The following FBXO5 variants were observed in gnomAD, a reference collection of about 807,000 sequenced individuals.
The protein encoded by FBXO5 is F-box protein 5.
A neutral mutation model predicts 43.3 loss-of-function variants in FBXO5; 8 were observed. The ratio of observed to expected loss-of-function variants is 0.18; its 90% CI spans 0.11 to 0.33. The LOEUF is 0.33. Ranked by LOEUF, FBXO5 falls within the 10% of genes least tolerant of loss-of-function variation. The pLI is 1.00. For synonymous variants in FBXO5, 204 were observed against 193.7 expected (o/e 1.05, Z -0.44); for missense variants, 491 against 535.7 (o/e 0.92, Z 0.82).
At position 152,971,322 on chromosome 6, in the gene FBXO5, G is replaced by C; in HGVS notation, c.1185C>G (p.Thr395=). 6.2e-7 allele frequency: 1 copy of C among 1,613,960 alleles called. No individual in the cohort carries two copies. Residue 395 remains threonine, a synonymous_variant, in exon 5 of 5, where the codon ACC becomes ACG. Transcript: ENST00000229758. The stretch of plus-strand genomic sequence containing the variant: ...CAAATCCACAGCCTTCTCGTTTGCA[G>C]GTTGCCCGTTGTAAATAGCAATCAT... The part of the protein sequence containing the change: ...AKYDCYLQRA[T]CKREGCGFDY...
In FBXO5 at chr6:152,983,007, C is replaced by T. The variant is rs529505012; in HGVS notation, c.-48G>A. ...TCAGGTGGAGGAACCGCTCCGGGGGCAGCTGAGCAACCTGCCTGCTTCACA... is the reference window on the plus strand; with the variant it reads ...TCAGGTGGAGGAACCGCTCCGGGGGTAGCTGAGCAACCTGCCTGCTTCACA... On this transcript the variant is annotated 5_prime_UTR_variant, in exon 1 of 5. Transcript: ENST00000229758. 76 of 1,203,616 alleles carry T rather than the reference C, an allele frequency of 6.3e-5. 1 individual carries two copies. The Admixed American group carries it at 1.0e-3, about 17-fold the overall frequency. The allele number at this position is 1,203,616 out of a possible 1,614,324, so 74.6% of individuals were successfully genotyped here. A position where few individuals can be genotyped will look rare whatever the true frequency, so the allele number is the denominator to read the frequency against.
Position 152,975,528 on chromosome 6 carries a change from T to A in FBXO5, c.197A>T (p.Asp66Val). The A allele has an allele frequency of 6.2e-7, 1 of 1,613,882 alleles. No individual in the cohort carries two copies. The highest frequency in any genetic ancestry group is 2.2e-5 in the East Asian group (1 of 44,880). ...GTAGGAAACTAGTCTTCCAATGTCA[T>A]CAGGTTTTACCAGTTTAAGTCCGGA... ...VHSGLKLVKP[D>V]DIGRLVSYTP... Residue 66 changes from aspartate (D) to valine (V), a missense_variant, in exon 2 of 5, where the codon GAT becomes GTT. Coordinates refer to ENST00000229758, the MANE Select transcript of FBXO5 (RefSeq NM_012177.5).
Position 152,975,603 on chromosome 6 carries a change from G to C in FBXO5, c.122C>G (p.Ser41Cys), listed in dbSNP as rs1217375589. 1 of 1,599,398 alleles carries C rather than the reference G, an allele frequency of 6.3e-7. No homozygotes were observed. Among genetic ancestry groups the C allele is most frequent in the Non-Finnish European group, 8.5e-7 (1 of 1,175,860 alleles). Residue 41 changes from serine to cysteine, a missense_variant, in exon 2 of 5, where the codon TCT becomes TGT. Ser to Cys is a moderately radical substitution (Grantham distance 112). Transcript: ENST00000229758. The stretch of plus-strand genomic sequence containing the variant: ...ACACTTCATTTTGACAGAAAGGGTA[G>C]AACTTTCTTCTTTACAACCTATAAA... ...RPSDSCKEES[S>C]TLSVKMKCDF...
At chr6:152,981,833 A>T (rs764213169) in intron 1 of FBXO5, among the ~76,000 whole-genome samples, 1 of 152,150 alleles carries the variant, frequency 6.6e-6, no homozygotes, top group Non-Finnish European at 1.5e-5. Context: ...CCGAATTGCT[A>T]AATTTTTTCA....
In FBXO5 at chr6:152,971,059, G is replaced by A. The variant is rs769154522; in HGVS notation, c.*104C>T. 3.4e-5 allele frequency: 41 copies of A among 1,200,508 alleles called. No individual in the cohort carries two copies. In the East Asian group the frequency reaches 5.8e-4, roughly 17 times the overall value. 74.4% of individuals were successfully genotyped at this position (1,200,508 alleles called of 1,614,324 possible). A position where few individuals can be genotyped will look rare whatever the true frequency, so the allele number is the denominator to read the frequency against. On this transcript the variant is annotated 3_prime_UTR_variant, in exon 5 of 5. Coordinates refer to ENST00000229758, the MANE Select transcript of FBXO5 (RefSeq NM_012177.5). ...GAAAAAAACCTCAGGATACTACACC[G>A]ATTTCAACATAAAATTGAAAATCAC...
At chr6:152,979,961 A>G (rs1778236157) in intron 1 of FBXO5, among the ~76,000 whole-genome samples, 1 of 152,238 alleles carries the variant, frequency 6.6e-6, no homozygotes, top group African/African-American at 2.4e-5. Flanking sequence ...TTGGTTGTAG[A>G]TTTAATTTTA....
intron 4 of FBXO5, among the ~76,000 whole-genome samples, chr6:152,972,038 G>A (rs1248515406): frequency 6.6e-6 from 1 of 152,012 alleles, no homozygotes; most frequent in Admixed American, 6.6e-5. Flanking sequence ...CTAATTTCAT[G>A]TTTCTTTTGT....
At position 152,980,191 on chromosome 6, in the gene FBXO5, C is replaced by T. The variant is rs115552617; in HGVS notation, c.103+2666G>A. Among the ~76,000 whole-genome samples, 946 of 152,294 alleles carry T rather than the reference C, an allele frequency of 6.2e-3. 8 individuals are homozygous for T. The highest frequency in any genetic ancestry group is 0.021 in the African/African-American group (891 of 41,552). ...CAGAAAGACAGAAAACATTATATGG[C>T]TTCATAACCTCTTGAATGAAACAGA... On this transcript the variant is annotated intron_variant, in intron 1 of 4. Coordinates refer to ENST00000229758, the MANE Select transcript of FBXO5 (RefSeq NM_012177.5).
chr6:152,983,422 C>G (rs988703073), upstream of FBXO5: 1 of 156,302 alleles, frequency 6.4e-6, no homozygotes, highest in African/African-American at 2.4e-5. Context: ...TGGCTTCCAT[C>G]TGGAGATCTT....
chr6:152,972,931 C>T, intron 3 of FBXO5, 115 bp downstream of exon 3: 1 of 670,998 alleles, frequency 1.5e-6, no homozygotes, highest in Non-Finnish European at 2.5e-6. Context: ...CAGTATAAGG[C>T]TGAAATACTT....
At chr6:152,979,784 A>G (rs1013169684) in intron 1 of FBXO5, among the ~76,000 whole-genome samples, 1 of 152,224 alleles carries the variant, frequency 6.6e-6, no homozygotes, top group South Asian at 2.1e-4. Context: ...TCCATTTCAC[A>G]TACTTAAATC....
chr6:152,978,264 T>C (rs1001115077), intron 1 of FBXO5, among the ~76,000 whole-genome samples: 1 of 151,660 alleles, frequency 6.6e-6, no homozygotes, highest in Non-Finnish European at 1.5e-5. Flanking sequence ...TTAGTAACAA[T>C]GACCTTTCCA....
At position 152,973,100 on chromosome 6, in the gene FBXO5, T is replaced by C. The variant is rs764281337; in HGVS notation, c.855A>G (p.Leu285=). 1 of 1,613,968 alleles carries C rather than the reference T, an allele frequency of 6.2e-7. No individual in the cohort carries two copies. Among genetic ancestry groups the C allele is most frequent in the Non-Finnish European group, 8.5e-7 (1 of 1,179,906 alleles). Residue 285 remains leucine, a synonymous_variant, in exon 3 of 5, where the codon CTA becomes CTG. Transcript: ENST00000229758. ...ACTGGAATGCCCCCTTATCATCTTC[T>C]AGGATCTTCTTCCAAGTTGTGCTCA... ...SKVSTTWKKI[L]EDDKGAFQLY...
At chr6:152,974,426 A>G (rs1778132975) in intron 2 of FBXO5, among the ~76,000 whole-genome samples, 1 of 152,200 alleles carries the variant, frequency 6.6e-6, no homozygotes, top group Non-Finnish European at 1.5e-5. Context: ...AGAAATTTCA[A>G]AACTAAAAGG....
intron 2 of FBXO5, among the ~76,000 whole-genome samples, chr6:152,974,562 G>A (rs1034348652): frequency 6.6e-6 from 1 of 152,176 alleles, no homozygotes; most frequent in Non-Finnish European, 1.5e-5. Context: ...CAAAACACCA[G>A]CAAGTCATTA....
At chr6:152,972,624 C>G in intron 3 of FBXO5, 170 bp from the exon 4 acceptor site, 1 of 560,298 alleles carries the variant, frequency 1.8e-6, no homozygotes, top group Non-Finnish European at 3.1e-6. Context: ...TAAATACTCA[C>G]ACATATCAAG....
Position 152,977,371 on chromosome 6 carries a change from T to C in FBXO5, c.104-1750A>G, listed in dbSNP as rs1009900. ...AATGCGTTCATATAAAACTTAACCATTTTTTACATAGAGCAAAACTTTTTA... is the reference window on the plus strand; with the variant it reads ...AATGCGTTCATATAAAACTTAACCACTTTTTACATAGAGCAAAACTTTTTA... On this transcript the variant is annotated intron_variant, in intron 1 of 4. Coordinates refer to ENST00000229758, the MANE Select transcript of FBXO5 (RefSeq NM_012177.5). Among the ~76,000 whole-genome samples, 1,206 of 152,322 alleles carry C rather than the reference T, an allele frequency of 7.9e-3. 16 individuals are homozygous for C. Among genetic ancestry groups the C allele is most frequent in the African/African-American group, 0.028 (1,152 of 41,572 alleles).
Position 152,975,408 on chromosome 6 carries a change from A to C in FBXO5, c.317T>G (p.Val106Gly). Residue 106 changes from valine (V) to glycine (G), a missense_variant, in exon 2 of 5, where the codon GTA (valine) becomes GGA (glycine). Coordinates refer to ENST00000229758, the MANE Select transcript of FBXO5 (RefSeq NM_012177.5). Reference protein sequence around the residue: ...IGSPIVSPRIVQLETESKRLH... With the variant: ...IGSPIVSPRIGQLETESKRLH... ...GCGCTTGCTTTCAGTTTCAAGTTGTACAATCCTAGGGCTCACAATCGGTGA... is the reference window on the plus strand; with the variant it reads ...GCGCTTGCTTTCAGTTTCAAGTTGTCCAATCCTAGGGCTCACAATCGGTGA... 6.2e-7 allele frequency: 1 copy of C among 1,613,826 alleles called. No homozygotes were observed. The highest frequency in any genetic ancestry group is 8.5e-7 in the Non-Finnish European group (1 of 1,179,904).
chr6:152,975,384 C>G lies in FBXO5; in HGVS notation c.341G>C (p.Arg114Pro), dbSNP rs148207003. ...RIVQLETESK[R>P]LHNKENQHVQ... ...ATGTTGATTTTCCTTGTTATGCAAG[C>G]GCTTGCTTTCAGTTTCAAGTTGTAC... Residue 114 changes from arginine to proline, a missense_variant, in exon 2 of 5, where the codon CGC becomes CCC. Physicochemically the swap from Arg to Pro is moderately radical, Grantham distance 103. Transcript: ENST00000229758. The G allele has an allele frequency of 6.2e-7, 1 of 1,613,746 alleles. No individual in the cohort carries two copies. The highest frequency in any genetic ancestry group is 8.5e-7 in the Non-Finnish European group (1 of 1,179,906).
Sources: allele counts gnomAD v4.1 joint callset (sites outside exome capture counted in the v4.1 genomes callset), GRCh38; gene constraint gnomAD v4.1.1; transcripts MANE v1.5; gene names NCBI Gene and HGNC (gene_info 2026-07-23, HGNC 2026-07-21).